GABRA3: variants seen among roughly 807,000 people sequenced by gnomAD.
GABRA3 encodes gamma-aminobutyric acid receptor subunit alpha-3.
Under a neutral mutation model 30.1 loss-of-function variants are expected in GABRA3, and 10 were observed. That is an observed-to-expected ratio of 0.33 (90% CI 0.20 to 0.56). GABRA3 has a LOEUF of 0.56. Ranked by LOEUF, GABRA3 falls within the 20% of genes least tolerant of loss-of-function variation. The probability of loss-of-function intolerance (pLI) is 0.89; values close to 1 mark genes in which losing one functional copy is unlikely to be tolerated. For synonymous variants in GABRA3, 151 were observed against 146.8 expected (o/e 1.03, Z -0.21); for missense variants, 233 against 392.0 (o/e 0.59, Z 3.42).
chrX:152,336,912 A>G (rs1940243116), intron 3 of GABRA3, among the ~76,000 whole-genome samples: 1 of 111,489 alleles, frequency 9.0e-6, no homozygotes, highest in African/African-American at 3.3e-5. Context: ...AGAGTCATAG[A>G]TGTCTTCTAA....
intron 5 of GABRA3, among the ~76,000 whole-genome samples, chrX:152,226,505 T>C (rs1216117323): frequency 9.0e-6 from 1 of 111,125 alleles, no homozygotes; most frequent in Non-Finnish European, 1.9e-5. Flanking sequence ...CCAAAAGCAA[T>C]GGCAACAAAA....
At chrX:152,327,041 A>T in intron 3 of GABRA3, among the ~76,000 whole-genome samples, 1 of 109,976 alleles carries the variant, frequency 9.1e-6, no homozygotes, top group Non-Finnish European at 1.9e-5. Flanking sequence ...AAAAAAAAGC[A>T]GGGGTTGCAA....
At chrX:152,293,508 T>C (rs769603637) in intron 3 of GABRA3, among the ~76,000 whole-genome samples, 2 of 111,539 alleles carry the variant, frequency 1.8e-5, no homozygotes, top group African/African-American at 6.5e-5. Flanking sequence ...TGACTCTCTA[T>C]CCAATTTGTC....
At chrX:152,213,429 A>G (rs1259877257) in intron 6 of GABRA3, among the ~76,000 whole-genome samples, 1 of 111,505 alleles carries the variant, frequency 9.0e-6, no homozygotes, top group Non-Finnish European at 1.9e-5. Flanking sequence ...AAGAAAATAG[A>G]GTTACAGGGT....
At chrX:152,373,269 T>C (rs1456682975) in intron 1 of GABRA3, among the ~76,000 whole-genome samples, 3 of 111,940 alleles carry the variant, frequency 2.7e-5, no homozygotes, top group Non-Finnish European at 5.6e-5. Context: ...TTAGGTATTC[T>C]TGATGCTCTT....
intron 4 of GABRA3, among the ~76,000 whole-genome samples, chrX:152,280,520 T>C (rs1006891382): frequency 9.0e-6 from 1 of 111,607 alleles, no homozygotes; most frequent in Non-Finnish European, 1.9e-5. Flanking sequence ...ACAATTTTTT[T>C]TTCTCCATGG....
chrX:152,199,168 C>T (rs946952304), intron 7 of GABRA3, among the ~76,000 whole-genome samples: 3 of 110,156 alleles, frequency 2.7e-5, no homozygotes, highest in Non-Finnish European at 3.8e-5. Context: ...AGATCGAGAC[C>T]ATCCTGGCTA....
At chrX:152,183,233 C>CA (rs1937209356) in intron 9 of GABRA3, among the ~76,000 whole-genome samples, 2 of 110,225 alleles carry the variant, frequency 1.8e-5, no homozygotes, top group Non-Finnish European at 3.8e-5. Flanking sequence ...GATTCAGCTC[C>CA]TTATTCATTA....
At chrX:152,226,331 T>C (rs1021333886) in intron 5 of GABRA3, among the ~76,000 whole-genome samples, 6 of 112,000 alleles carry the variant, frequency 5.4e-5, no homozygotes, top group African/African-American at 1.9e-4. Context: ...ATAATTGTTA[T>C]CATTATGATG....
intron 1 of GABRA3, among the ~76,000 whole-genome samples, chrX:152,414,083 C>A (rs1930145000): frequency 9.0e-6 from 1 of 111,038 alleles, no homozygotes; most frequent in African/African-American, 3.3e-5. Context: ...TCTTAAAAAC[C>A]ACACATGCAC....
rs964726670 is a variant in GABRA3, at chrX:152,241,449, T to A, written c.551+14329A>T. On this transcript the variant is annotated intron_variant, in intron 5 of 9. Coordinates refer to ENST00000370314, the MANE Select transcript of GABRA3 (RefSeq NM_000808.4). The stretch of plus-strand genomic sequence containing the variant: ...CACTTAAGTCTGCAGAGGTTACTGC[T>A]GTCTTTTTGTTTCTCTGTGCCCTGC... Among the ~76,000 whole-genome samples, 9 of 106,258 alleles carry A rather than the reference T, an allele frequency of 8.5e-5. No homozygotes were observed. In the Admixed American group the frequency reaches 9.0e-4, roughly 11 times the overall value. The allele number at this position is 106,258 out of a possible 115,157, so 92.3% of individuals were successfully genotyped here.
In GABRA3 at chrX:152,176,823, A is replaced by G. The variant is rs767508293; in HGVS notation, c.1144-8260T>C. On this transcript the variant is annotated intron_variant, in intron 9 of 9. Transcript: ENST00000370314. ...TTCGCCTCTAGATGGCCATTGATTC[A>G]ATGTCTTGGGATTGAATGAGGTCGC... 1.5e-4 allele frequency among the ~76,000 whole-genome samples: 17 copies of G among 111,692 alleles called. No homozygotes were observed. In the East Asian group the frequency reaches 4.8e-3, roughly 32 times the overall value.
chrX:152,394,324 T>C (rs1277612170), intron 1 of GABRA3: 4 of 348,959 alleles, frequency 1.1e-5, no homozygotes, highest in South Asian at 2.6e-5. Context: ...TATGCTGTGA[T>C]TCTTCTGACA....
At chrX:152,395,530 T>C (rs928896578) in intron 1 of GABRA3, among the ~76,000 whole-genome samples, 2 of 111,406 alleles carry the variant, frequency 1.8e-5, no homozygotes, top group Non-Finnish European at 3.8e-5. Flanking sequence ...CAATACTGAA[T>C]CAAGTTTTCA....
chrX:152,287,670 T>C (rs1019885756), intron 3 of GABRA3, among the ~76,000 whole-genome samples: 11 of 111,553 alleles, frequency 9.9e-5, no homozygotes. Flanking sequence ...ACTCAAGAGT[T>C]AATGGGTAGG....
At chrX:152,368,935 G>A (rs1279849437) in intron 1 of GABRA3, among the ~76,000 whole-genome samples, 2 of 110,984 alleles carry the variant, frequency 1.8e-5, no homozygotes, top group African/African-American at 6.6e-5. Flanking sequence ...TCGATCTCCT[G>A]ACCTTGTGAT....
At chrX:152,236,283 T>G (rs1257125376) in intron 5 of GABRA3, among the ~76,000 whole-genome samples, 1 of 106,198 alleles carries the variant, frequency 9.4e-6, no homozygotes, top group Admixed American at 1.0e-4. Flanking sequence ...CTGATAATGA[T>G]GATTTCCAAT....
At chrX:152,276,025 A>G (rs998140127) in intron 4 of GABRA3, among the ~76,000 whole-genome samples, 33 of 110,822 alleles carry the variant, frequency 3.0e-4, no homozygotes, top group African/African-American at 1.1e-3. Context: ...AATTAATAAC[A>G]TTAACATATT....
chrX:152,413,378 C>G lies in GABRA3; in HGVS notation c.-27+37768G>C, dbSNP rs1406237079. ...TACAGAAAAAAAGGAATATTATAGG[C>G]AAATATCCTTCATGAATATAAACAC... On this transcript the variant is annotated intron_variant, in intron 1 of 9. Coordinates refer to ENST00000370314, the MANE Select transcript of GABRA3 (RefSeq NM_000808.4). 5.4e-5 allele frequency among the ~76,000 whole-genome samples: 6 copies of G among 111,253 alleles called. No individual in the cohort carries two copies. In the East Asian group the frequency reaches 1.4e-3, roughly 26 times the overall value.
Sources: gnomAD v4.1 joint callset for allele counts (sites outside exome capture counted in the v4.1 genomes callset) on GRCh38, gnomAD v4.1.1 for gene constraint, MANE v1.5 for transcripts, NCBI Gene and HGNC (gene_info 2026-07-23, HGNC 2026-07-21) for gene names.